Variants in GRM7 observed in about 807,000 individuals in gnomAD.
GRM7 encodes the protein metabotropic glutamate receptor 7.
A neutral mutation model predicts 84.5 loss-of-function variants in GRM7; 35 were observed. The observed-to-expected ratio is 0.41, with a 90% confidence interval of 0.32 to 0.55. The LOEUF is 0.55. Among genes scored for constraint, GRM7 ranks in the 20% least tolerant of loss-of-function variants. The pLI is 0.19. For missense variants in GRM7, 1,003 were observed against 1,194.6 expected (o/e 0.84, Z 2.36); for synonymous variants, 487 against 455.1 (o/e 1.07, Z -0.89).
chr3:7,124,692 T>A (rs1487124254), intron 1 of GRM7, among the ~76,000 whole-genome samples: 1 of 152,150 alleles, frequency 6.6e-6, no homozygotes, highest in Admixed American at 6.5e-5. Flanking sequence ...GAGAGGTGAT[T>A]CAGTCATTTA....
chr3:6,936,387 G>A (rs772267170), intron 1 of GRM7, among the ~76,000 whole-genome samples: 16 of 152,130 alleles, frequency 1.1e-4, no homozygotes, highest in Admixed American at 4.6e-4. Context: ...CAGTTGTACC[G>A]GTGTGGCACC....
chr3:7,144,351 A>G (rs1694041973), intron 1 of GRM7, among the ~76,000 whole-genome samples: 1 of 152,196 alleles, frequency 6.6e-6, no homozygotes, highest in Admixed American at 6.6e-5. Flanking sequence ...ATTTGCTGAC[A>G]ATTAGATAAG....
intron 2 of GRM7, among the ~76,000 whole-genome samples, chr3:7,284,333 G>C (rs1699356203): frequency 6.7e-6 from 1 of 149,272 alleles, no homozygotes; most frequent in Admixed American, 6.7e-5. Context: ...AGCTCTCTTG[G>C]ATCTGCACAC....
chr3:7,605,126 A>AAATTGCCCAG (rs1376536672), intron 8 of GRM7, among the ~76,000 whole-genome samples: 8 of 152,118 alleles, frequency 5.3e-5, no homozygotes, highest in African/African-American at 1.9e-4. Flanking sequence ...GTATCATCTG[A>AAATTGCCCAG]AAAACTGCCC....
intron 1 of GRM7, among the ~76,000 whole-genome samples, chr3:7,120,823 A>G (rs918020578): frequency 2.6e-5 from 4 of 152,128 alleles, no homozygotes; most frequent in African/African-American, 9.7e-5. Context: ...TTTACTTTAT[A>G]ATTTTCTGGA....
chr3:7,333,318 C>A (rs913271109), intron 4 of GRM7, among the ~76,000 whole-genome samples: 2 of 152,178 alleles, frequency 1.3e-5, no homozygotes, highest in Non-Finnish European at 2.9e-5. Flanking sequence ...AGTCTCTTTG[C>A]AGACATTCGC....
intron 2 of GRM7, among the ~76,000 whole-genome samples, chr3:7,177,426 A>G (rs1480784369): frequency 6.6e-6 from 1 of 152,046 alleles, no homozygotes; most frequent in African/African-American, 2.4e-5. Context: ...GCGCTTAATG[A>G]CGAAAGAGCA....
At chr3:7,044,119 T>C (rs941033473) in intron 1 of GRM7, among the ~76,000 whole-genome samples, 9 of 152,230 alleles carry the variant, frequency 5.9e-5, no homozygotes, top group Non-Finnish European at 1.3e-4. Context: ...ATTCATATCA[T>C]CATCCAAGTC....
intron 2 of GRM7, among the ~76,000 whole-genome samples, chr3:7,283,927 A>T (rs1699339051): frequency 6.6e-6 from 1 of 152,190 alleles, no homozygotes; most frequent in Non-Finnish European, 1.5e-5. Context: ...AACAACATAT[A>T]TGTCAAACCA....
At chr3:7,544,515 A>T (rs1693043055) in intron 7 of GRM7, among the ~76,000 whole-genome samples, 1 of 152,098 alleles carries the variant, frequency 6.6e-6, no homozygotes, top group African/African-American at 2.4e-5. Context: ...TGGATGGGAG[A>T]TCCTGGGTAG....
At chr3:7,431,002 G>C (rs1470556516) in intron 5 of GRM7, among the ~76,000 whole-genome samples, 1 of 151,982 alleles carries the variant, frequency 6.6e-6, no homozygotes. Context: ...ACCCCCACTG[G>C]ACTTGAGGGA....
intron 8 of GRM7, among the ~76,000 whole-genome samples, chr3:7,648,995 C>G (rs1177477160): frequency 6.6e-6 from 1 of 152,122 alleles, no homozygotes; most frequent in Non-Finnish European, 1.5e-5. Context: ...CCCCAGGCCC[C>G]TTAGCACTGT....
intron 9 of GRM7, among the ~76,000 whole-genome samples, chr3:7,726,611 CTCTATATA>C (rs1702137242): frequency 2.8e-5 from 2 of 70,450 alleles, no homozygotes; most frequent in East Asian, 7.4e-4. Flanking sequence ...CTCTCTCTCC[CTCTATATA>C]TATATATATA....
intron 7 of GRM7, among the ~76,000 whole-genome samples, chr3:7,527,957 G>A (rs900305523): frequency 6.6e-6 from 1 of 152,030 alleles, no homozygotes; most frequent in Non-Finnish European, 1.5e-5. Flanking sequence ...CTGCATCTAT[G>A]TTAATCAGGG....
chr3:7,609,778 T>G (rs552471172), intron 8 of GRM7, among the ~76,000 whole-genome samples: 6 of 152,276 alleles, frequency 3.9e-5, no homozygotes, highest in Admixed American at 3.3e-4. Context: ...GAAGCCCACT[T>G]GGAGTGAGTG....
chr3:7,138,190 G>A (rs756079680), intron 1 of GRM7, among the ~76,000 whole-genome samples: 1 of 151,750 alleles, frequency 6.6e-6, no homozygotes, highest in South Asian at 2.1e-4. Flanking sequence ...CAAAGTCCTA[G>A]CCCATAACAG....
intron 4 of GRM7, among the ~76,000 whole-genome samples, chr3:7,340,073 A>G (rs1283616161): frequency 6.6e-6 from 1 of 152,142 alleles, no homozygotes; most frequent in South Asian, 2.1e-4. Flanking sequence ...GAGCTCTTAT[A>G]TGTTGAATAT....
chr3:7,006,959 C>G (rs1452851402), intron 1 of GRM7, among the ~76,000 whole-genome samples: 1 of 152,164 alleles, frequency 6.6e-6, no homozygotes, highest in Non-Finnish European at 1.5e-5. Flanking sequence ...CAGAATATCT[C>G]AATGAGTATA....
At chr3:7,093,161 A>T (rs1698728219) in intron 1 of GRM7, among the ~76,000 whole-genome samples, 1 of 152,144 alleles carries the variant, frequency 6.6e-6, no homozygotes, top group South Asian at 2.1e-4. Flanking sequence ...GACCTTTGCC[A>T]TTCACTCTCT....
Sources: allele counts gnomAD v4.1 joint callset (sites outside exome capture counted in the v4.1 genomes callset), GRCh38; gene constraint gnomAD v4.1.1; transcripts MANE v1.5; gene names NCBI Gene and HGNC (gene_info 2026-07-23, HGNC 2026-07-21).